The following THSD7B variants were observed in gnomAD, a reference collection of about 807,000 sequenced individuals.
THSD7B encodes the protein thrombospondin type-1 domain-containing protein 7B.
Under a neutral mutation model 213.6 loss-of-function variants are expected in THSD7B, and 138 were observed. The observed-to-expected ratio is 0.65, with a 90% CI of 0.56 to 0.74. The LOEUF is 0.74. Among genes scored for constraint, THSD7B ranks in the 30% least tolerant of loss-of-function variants. The pLI is 0.00. For synonymous variants in THSD7B, 742 were observed against 687.0 expected, an observed-to-expected ratio of 1.08 and a Z score of -1.25; for missense variants, 1,931 against 1,991.5, an observed-to-expected ratio of 0.97 and a Z score of 0.58.
chr2:137,339,413 T>A (rs10207532), intron 12 of THSD7B, among the ~76,000 whole-genome samples: 6,105 of 152,058 alleles, frequency 0.04, 185 homozygotes, highest in Non-Finnish European at 0.056. Flanking sequence ...CTGGCCATTC[T>A]TGGGGATGTG....
At chr2:137,461,371 G>A (rs1687881041) in intron 15 of THSD7B, among the ~76,000 whole-genome samples, 1 of 151,976 alleles carries the variant, frequency 6.6e-6, no homozygotes, top group Non-Finnish European at 1.5e-5. Context: ...CTTAACATAT[G>A]ACCTGACACC....
intron 12 of THSD7B, among the ~76,000 whole-genome samples, chr2:137,355,568 C>T (rs1448215949): frequency 6.6e-6 from 1 of 151,998 alleles, no homozygotes; most frequent in East Asian, 1.9e-4. Flanking sequence ...TGAGAGGGGA[C>T]CAGAGTATCA....
chr2:137,500,848 T>A (rs1679686742), intron 15 of THSD7B, among the ~76,000 whole-genome samples: 1 of 152,226 alleles, frequency 6.6e-6, no homozygotes, highest in African/African-American at 2.4e-5. Context: ...CCTTACAGCC[T>A]TGCCCAGAGC....
intron 1 of THSD7B, among the ~76,000 whole-genome samples, chr2:136,769,378 G>A (rs1681465929): frequency 6.6e-6 from 1 of 152,100 alleles, no homozygotes; most frequent in Non-Finnish European, 1.5e-5. Context: ...TCATTTTGTT[G>A]CTACCACATC....
chr2:137,002,501 GT>G (rs1461138768), intron 2 of THSD7B, among the ~76,000 whole-genome samples: 1 of 152,082 alleles, frequency 6.6e-6, no homozygotes, highest in Non-Finnish European at 1.5e-5. Context: ...TATCTTATGA[GT>G]TTTTAAAAAC....
chr2:137,471,716 G>A (rs147339753), intron 15 of THSD7B, among the ~76,000 whole-genome samples: 1 of 152,194 alleles, frequency 6.6e-6, no homozygotes, highest in East Asian at 2.0e-4. Flanking sequence ...GAACTTTGGG[G>A]TCCAGGGCTT....
At chr2:137,234,969 T>C (rs1191603934) in intron 9 of THSD7B, among the ~76,000 whole-genome samples, 2 of 152,210 alleles carry the variant, frequency 1.3e-5, no homozygotes, top group Non-Finnish European at 2.9e-5. Context: ...CTTGTATCAG[T>C]TGTATTTTTC....
chr2:137,158,669 A>G (rs939161598), intron 5 of THSD7B, among the ~76,000 whole-genome samples: 12 of 151,978 alleles, frequency 7.9e-5, no homozygotes, highest in Non-Finnish European at 1.6e-4. Flanking sequence ...TCATGATGGT[A>G]TTTTTTTATT....
chr2:136,785,560 T>A (rs1289932579), intron 1 of THSD7B, among the ~76,000 whole-genome samples: 1 of 152,186 alleles, frequency 6.6e-6, no homozygotes, highest in Non-Finnish European at 1.5e-5. Flanking sequence ...CCAGCTCTTG[T>A]TTTCCATTAA....
At chr2:137,475,471 C>T (rs977607555) in intron 15 of THSD7B, among the ~76,000 whole-genome samples, 4 of 152,154 alleles carry the variant, frequency 2.6e-5, no homozygotes, top group Admixed American at 2.0e-4. Context: ...ACCAACCTCT[C>T]TTTATCCCTC....
At chr2:137,634,572 A>G (rs1325308401) in intron 20 of THSD7B, among the ~76,000 whole-genome samples, 2 of 152,186 alleles carry the variant, frequency 1.3e-5, no homozygotes, top group Non-Finnish European at 2.9e-5. Flanking sequence ...CAAATTGGCC[A>G]GAGCTACCAA....
At chr2:136,982,362 C>T (rs1259225653) in intron 2 of THSD7B, among the ~76,000 whole-genome samples, 2 of 151,570 alleles carry the variant, frequency 1.3e-5, no homozygotes, top group East Asian at 3.9e-4. Context: ...ACAGGGTCTC[C>T]TTATGTTGCC....
intron 12 of THSD7B, among the ~76,000 whole-genome samples, chr2:137,307,253 C>T (rs558373286): frequency 6.6e-6 from 1 of 152,198 alleles, no homozygotes; most frequent in African/African-American, 2.4e-5. Context: ...TATTCTAACA[C>T]TTCTGATATT....
At chr2:137,591,767 G>A (rs960286480) in intron 17 of THSD7B, among the ~76,000 whole-genome samples, 4 of 151,792 alleles carry the variant, frequency 2.6e-5, no homozygotes, top group South Asian at 2.1e-4. Context: ...TTGATGCCAC[G>A]TTATTTAGCT....
intron 10 of THSD7B, 86 bp from the exon 11 acceptor site, chr2:137,272,447 C>A: frequency 7.3e-7 from 1 of 1,368,558 alleles, no homozygotes; most frequent in South Asian, 1.5e-5. Flanking sequence ...CTTTATCTCT[C>A]TCTCTTTTTT....
Position 137,609,182 on chromosome 2 carries a change from A to G in THSD7B, c.3424-6993A>G, listed in dbSNP as rs191218164. On this transcript the variant is annotated intron_variant, in intron 17 of 27. Transcript: ENST00000409968. The stretch of plus-strand genomic sequence containing the variant: ...TAACACACACAGTCTGTTGAAATCT[A>G]TTGTCGAGTATCTCTAAAGCCCATG... Among the ~76,000 whole-genome samples, 661 of 152,236 alleles carry G rather than the reference A, an allele frequency of 4.3e-3. 5 individuals are homozygous for G. The highest frequency in any genetic ancestry group is 0.015 in the African/African-American group (625 of 41,538).
At chr2:137,603,922 C>T (rs1007478207) in intron 17 of THSD7B, among the ~76,000 whole-genome samples, 6 of 152,044 alleles carry the variant, frequency 3.9e-5, no homozygotes, top group Non-Finnish European at 5.9e-5. Flanking sequence ...AGTAGCCTGG[C>T]CAACATGGTG....
chr2:137,606,161 TC>T, intron 17 of THSD7B, among the ~76,000 whole-genome samples: 1 of 152,262 alleles, frequency 6.6e-6, no homozygotes, highest in Admixed American at 6.5e-5. Context: ...AGAATGTTTT[TC>T]TGGAAACCTG....
intron 2 of THSD7B, among the ~76,000 whole-genome samples, chr2:136,980,307 G>T (rs1685552425): frequency 6.6e-6 from 1 of 152,160 alleles, no homozygotes; most frequent in Non-Finnish European, 1.5e-5. Context: ...TGGCGCTGGG[G>T]GGAATCTTGG....
Sources: allele counts gnomAD v4.1 joint callset (sites outside exome capture counted in the v4.1 genomes callset), GRCh38; gene constraint gnomAD v4.1.1; transcripts MANE v1.5; gene names NCBI Gene and HGNC (gene_info 2026-07-23, HGNC 2026-07-21).